Variants in CREBBP observed in about 807,000 individuals in gnomAD.
CREBBP encodes CREB-binding protein.
CREBBP carries 19 observed loss-of-function variants against 265.0 expected under a neutral mutation model. The ratio of observed to expected loss-of-function variants is 0.07; its 90% CI spans 0.05 to 0.11. CREBBP has a LOEUF of 0.11. Among genes scored for constraint, CREBBP ranks in the 10% least tolerant of loss-of-function variants. The pLI, the probability that CREBBP is intolerant of heterozygous loss-of-function variation, is 1.00. For synonymous variants in CREBBP, 1,457 were observed against 1,223.7 expected, an observed-to-expected ratio of 1.19 and a Z score of -3.98; for missense variants, 2,525 against 3,219.0, an observed-to-expected ratio of 0.78 and a Z score of 5.22.
At chr16:3,785,869 G>A (rs1247756226) in intron 5 of CREBBP, among the ~76,000 whole-genome samples, 1 of 152,074 alleles carries the variant, frequency 6.6e-6, no homozygotes. Context: ...GGTTCTTCTG[G>A]GCCCATCAGG....
chr16:3,780,000 G>A (rs903799773), intron 8 of CREBBP, among the ~76,000 whole-genome samples: 3 of 152,034 alleles, frequency 2.0e-5, no homozygotes, highest in Admixed American at 6.6e-5. Flanking sequence ...CCAGCACTTC[G>A]GGAGGCTGAG....
rs998685680 is a variant in CREBBP at position 3,759,574 on chromosome 16, C to G, written c.3251-602G>C. 3.3e-5 allele frequency among the ~76,000 whole-genome samples: 4 copies of G among 120,102 alleles called. No individual in the cohort carries two copies. In the East Asian group the frequency reaches 9.1e-4, roughly 27 times the overall value. 78.8% of individuals were successfully genotyped at this position (120,102 alleles called of 152,430 possible). A position where few individuals can be genotyped will look rare whatever the true frequency, so the allele number is the denominator to read the frequency against. ...TGCACTCCAGCCTGGACAACAAGAG[C>G]AAAACTCTGTCTCCAAAAAAAAAAG... On this transcript the variant is annotated intron_variant, in intron 16 of 30. Coordinates refer to ENST00000262367, the MANE Select transcript of CREBBP (RefSeq NM_004380.3).
chr16:3,765,372 C>G lies in CREBBP; in HGVS notation c.3250+2348G>C, dbSNP rs1212864485. On this transcript the variant is annotated intron_variant, in intron 16 of 30. Coordinates refer to ENST00000262367, the MANE Select transcript of CREBBP (RefSeq NM_004380.3). ...CGCTGCATAGGCACAGTGGCCACAT[C>G]AGGAGGCAGTACTTGGGCAAGTGTT... Among the ~76,000 whole-genome samples the G allele has an allele frequency of 2.0e-5, 3 of 152,252 alleles. No individual in the cohort carries two copies. The East Asian group carries it at 5.8e-4, about 29-fold the overall frequency.
At chr16:3,859,329 A>C (rs58116031) in intron 1 of CREBBP, among the ~76,000 whole-genome samples, 3,572 of 152,120 alleles carry the variant, frequency 0.023, 137 homozygotes, top group African/African-American at 0.081. Flanking sequence ...AGTAGCTGGG[A>C]TTACAGGCGC....
intron 22 of CREBBP, 49 bp downstream of exon 22, chr16:3,745,228 C>T (rs2151355090): frequency 1.3e-6 from 2 of 1,548,026 alleles, no homozygotes; most frequent in Non-Finnish European, 1.8e-6. Context: ...AACTGCCCCG[C>T]CACTGGCTCT....
rs1596840030 is a variant in CREBBP at position 3,751,891 on chromosome 16, G to A, written c.3699-85C>T. 3 of 1,325,776 alleles carry A rather than the reference G, an allele frequency of 2.3e-6. No individual in the cohort carries two copies. In the East Asian group the frequency reaches 7.0e-5, roughly 31 times the overall value. 82.1% of individuals were successfully genotyped at this position (1,325,776 alleles called of 1,614,324 possible). A position where few individuals can be genotyped will look rare whatever the true frequency, so the allele number is the denominator to read the frequency against. On this transcript the variant is annotated intron_variant, in intron 19 of 30. Transcript: ENST00000262367. ...GCAACGAAGCCACCAATCAGAGCAGGGCAGAGCACCACGACGAAGGGGGGG... is the reference window on the plus strand; with the variant it reads ...GCAACGAAGCCACCAATCAGAGCAGAGCAGAGCACCACGACGAAGGGGGGG...
chr16:3,759,683 CA>C (rs1466396031), intron 16 of CREBBP, among the ~76,000 whole-genome samples: 1 of 151,840 alleles, frequency 6.6e-6, no homozygotes, highest in Non-Finnish European at 1.5e-5. Flanking sequence ...CCACTGGAGA[CA>C]AACGGTTTTG....
chr16:3,834,734 C>G (rs1432584922), intron 2 of CREBBP, among the ~76,000 whole-genome samples: 3 of 152,114 alleles, frequency 2.0e-5, no homozygotes, highest in Non-Finnish European at 4.4e-5. Context: ...CCATTCTAGA[C>G]AGCGGAGTTG....
chr16:3,853,338 C>T (rs758292808), intron 1 of CREBBP, among the ~76,000 whole-genome samples: 12 of 152,284 alleles, frequency 7.9e-5, no homozygotes, highest in African/African-American at 2.2e-4. Context: ...AGGCCGGGTG[C>T]GGTGGCTCAC....
At chr16:3,809,369 G>A (rs2053892993) in intron 3 of CREBBP, among the ~76,000 whole-genome samples, 1 of 152,022 alleles carries the variant, frequency 6.6e-6, no homozygotes, top group African/African-American at 2.4e-5. Flanking sequence ...GCAGAGACGG[G>A]GTTTCATCAT....
intron 26 of CREBBP, among the ~76,000 whole-genome samples, chr16:3,737,955 C>G (rs1021198046): frequency 3.4e-5 from 5 of 147,470 alleles, no homozygotes; most frequent in Non-Finnish European, 7.5e-5. Context: ...GCCCGGCTAA[C>G]TTTTGTATTT....
At chr16:3,820,979 A>G (rs1341076227) in intron 2 of CREBBP, among the ~76,000 whole-genome samples, 1 of 151,598 alleles carries the variant, frequency 6.6e-6, no homozygotes, top group Non-Finnish European at 1.5e-5. Flanking sequence ...AGGTCCCTAC[A>G]GTTAGAGACG....
At chr16:3,847,801 C>G (rs1373199988) in intron 2 of CREBBP, among the ~76,000 whole-genome samples, 1 of 152,196 alleles carries the variant, frequency 6.6e-6, no homozygotes, top group Non-Finnish European at 1.5e-5. Flanking sequence ...AAGGATCCCA[C>G]AGACCAACAG....
At position 3,851,013 on chromosome 16, in the gene CREBBP, G is replaced by A. The variant is rs776105751; in HGVS notation, c.86-4C>T. ...AAGTCAAACAATGATCCAAAATCTA[G>A]AAATTAAACAGAAATGGAAATGAGA... On this transcript the variant is annotated splice_polypyrimidine_tract_variant and splice_region_variant and intron_variant, in intron 1 of 30. Transcript: ENST00000262367. The A allele has an allele frequency of 9.3e-6, 15 of 1,612,646 alleles. No individual in the cohort carries two copies. In the East Asian group the frequency reaches 1.1e-4, roughly 12 times the overall value.
intron 10 of CREBBP, 96 bp downstream of exon 10, chr16:3,777,915 G>A (rs371320245): frequency 1.6e-5 from 23 of 1,421,006 alleles, no homozygotes; most frequent in Non-Finnish European, 2.3e-5. Flanking sequence ...GCATGCATCA[G>A]ATATTCTAAT....
rs973479623 is a variant in CREBBP, at chr16:3,782,753, G to A, written c.1504C>T (p.Pro502Ser). ...YMNQPQTQLQ[P>S]QVPGQQPAQP... The stretch of plus-strand genomic sequence containing the variant: ...GCTGGTTGCTGGCCAGGAACCTGAG[G>A]CTGCAGCTGCGTCTGGGGCTGGTTC... The change falls in exon 6 of 31, where the codon CCT (proline) becomes TCT (serine). Residue 502 changes from proline (P) to serine (S), a missense_variant. By Grantham distance (74) the Pro-to-Ser change is moderately conservative (BLOSUM62 -1). Transcript: ENST00000262367. The A allele has an allele frequency of 7.4e-6, 12 of 1,614,074 alleles. No homozygotes were observed. Among genetic ancestry groups the A allele is most frequent in the African/African-American group, 1.3e-5 (1 of 74,926 alleles).
In CREBBP at chr16:3,778,046, G is replaced by A; in HGVS notation, c.2078C>T (p.Pro693Leu). The A allele has an allele frequency of 6.2e-7, 1 of 1,614,192 alleles. No individual in the cohort carries two copies. The change falls in exon 10 of 31, where the codon CCT becomes CTT. Residue 693 changes from proline to leucine, a missense_variant. Pro to Leu is a moderately conservative substitution (Grantham distance 98). Transcript: ENST00000262367. ...CACAGGTTGTGCCTGTGGAATCACAGGGGGCTGAGCCCCCGGGGCTGGTAA... is the reference window on the plus strand; with the variant it reads ...CACAGGTTGTGCCTGTGGAATCACAAGGGGCTGAGCCCCCGGGGCTGGTAA... ...PALPAPGAQP[P>L]VIPQAQPVRP...
At chr16:3,835,140 A>G (rs1330751054) in intron 2 of CREBBP, among the ~76,000 whole-genome samples, 1 of 152,092 alleles carries the variant, frequency 6.6e-6, no homozygotes, top group East Asian at 1.9e-4. Flanking sequence ...GCCTGGGCAA[A>G]AGAGCGAGAC....
chr16:3,770,169 C>T lies in CREBBP; in HGVS notation c.2880+401G>A, dbSNP rs144830748. On this transcript the variant is annotated intron_variant, in intron 14 of 30. Transcript: ENST00000262367. ...ACAGGCGTGAACCACCGCGCCCAGC[C>T]TCAATGGAGTTTTAAGTAAACAAAC... Among the ~76,000 whole-genome samples the T allele has an allele frequency of 5.8e-3, 881 of 152,232 alleles. 10 individuals are homozygous for T. The highest frequency in any genetic ancestry group is 0.02 in the African/African-American group (814 of 41,530).
Sources: allele counts gnomAD v4.1 joint callset (sites outside exome capture counted in the v4.1 genomes callset), GRCh38; gene constraint gnomAD v4.1.1; transcripts MANE v1.5; gene names NCBI Gene and HGNC (gene_info 2026-07-23, HGNC 2026-07-21).